The following ABTB2 variants were observed in gnomAD, a reference collection of about 807,000 sequenced individuals.
The protein encoded by ABTB2 is ankyrin repeat and BTB domain containing 2.
ABTB2 carries 56 observed loss-of-function variants against 104.1 expected under a neutral mutation model. The observed-to-expected ratio is 0.54, with a 90% confidence interval of 0.43 to 0.67. The LOEUF (loss-of-function observed/expected upper bound fraction) is 0.67. ABTB2 is among the 30% of genes least tolerant of loss of function. ABTB2 has a pLI of 0.00. For missense variants in ABTB2, 1,279 were observed against 1,407.7 expected, an observed-to-expected ratio of 0.91 and a Z score of 1.46; for synonymous variants, 606 against 608.2, an observed-to-expected ratio of 1.00 and a Z score of 0.05.
intron 1 of ABTB2, among the ~76,000 whole-genome samples, chr11:34,303,601 AC>A (rs1854734254): frequency 6.6e-6 from 1 of 150,616 alleles, no homozygotes; most frequent in Non-Finnish European, 1.5e-5. Flanking sequence ...AAATGCTTAT[AC>A]AGCTGTCCCC....
At chr11:34,168,047 G>T in intron 5 of ABTB2, 55 bp from the exon 6 acceptor site, 1 of 1,544,740 alleles carries the variant, frequency 6.5e-7, no homozygotes, top group Non-Finnish European at 8.9e-7. Flanking sequence ...ACAACACCAT[G>T]TGCCCACAGG....
intron 2 of ABTB2, among the ~76,000 whole-genome samples, chr11:34,198,454 C>CAA (rs71457323): frequency 7.0e-6 from 1 of 142,978 alleles, no homozygotes; most frequent in Admixed American, 6.8e-5. Flanking sequence ...ACAACAACAA[C>CAA]AAAAAAAAAC....
chr11:34,314,881 C>T (rs1564930655), intron 1 of ABTB2, among the ~76,000 whole-genome samples: 1 of 152,188 alleles, frequency 6.6e-6, no homozygotes, highest in Non-Finnish European at 1.5e-5. Context: ...GTCCATGAGG[C>T]TAACCCTGTT....
At chr11:34,160,401 T>TGACGGAGTC (rs1401726387) in intron 11 of ABTB2, 48 bp from the exon 12 acceptor site, 1 of 1,337,124 alleles carries the variant, frequency 7.5e-7, no homozygotes, top group Non-Finnish European at 1.1e-6. Flanking sequence ...TGTGGCTGGC[T>TGACGGAGTC]GTTCACAGAT....
At chr11:34,168,305 C>T (rs1852829680) in intron 5 of ABTB2, among the ~76,000 whole-genome samples, 1 of 152,204 alleles carries the variant, frequency 6.6e-6, no homozygotes, top group South Asian at 2.1e-4. Context: ...CTCTCTGTGC[C>T]TCAGTTTTTT....
chr11:34,216,517 G>A (rs551472460), intron 1 of ABTB2, among the ~76,000 whole-genome samples: 49 of 152,236 alleles, frequency 3.2e-4, no homozygotes, highest in African/African-American at 1.0e-3. Context: ...TTGGGAGGCC[G>A]AGCCAGGCAG....
In ABTB2 at chr11:34,164,770, A is replaced by C. The variant is rs1852775134; in HGVS notation, c.1904T>G (p.Leu635Arg). 2 of 1,568,850 alleles carry C rather than the reference A, an allele frequency of 1.3e-6. No individual in the cohort carries two copies. The highest frequency in any genetic ancestry group is 1.7e-6 in the Non-Finnish European group (2 of 1,165,700). ...CATGCCGTGGGCCTCCAGCATGCTG[A>C]GGAGGGGGTCGGCGCCTCGGCTCAG... is the stretch of plus-strand genomic sequence containing the variant. Reference protein sequence around the residue: ...LLLSRGADPLLSMLEAHGMGS... With the variant: ...LLLSRGADPLRSMLEAHGMGS... The change falls in exon 9 of 17, where the codon CTC becomes CGC. Residue 635 changes from leucine (L) to arginine (R), a missense_variant. Coordinates refer to ENST00000435224, the MANE Select transcript of ABTB2 (RefSeq NM_145804.3).
chr11:34,155,439 G>A (rs1297223020), intron 14 of ABTB2, among the ~76,000 whole-genome samples: 1 of 152,252 alleles, frequency 6.6e-6, no homozygotes, highest in Admixed American at 6.5e-5. Flanking sequence ...GACCGGGAAC[G>A]ATTTAGTTCT....
At chr11:34,198,907 C>T (rs1054285839) in intron 2 of ABTB2, among the ~76,000 whole-genome samples, 5 of 152,144 alleles carry the variant, frequency 3.3e-5, no homozygotes, top group East Asian at 1.9e-4. Flanking sequence ...CTTCAACAGG[C>T]GGGCACGGCT....
intron 1 of ABTB2, among the ~76,000 whole-genome samples, chr11:34,237,276 CTTTTTTTTTT>C (rs561473313): frequency 8.6e-6 from 1 of 116,236 alleles, no homozygotes; most frequent in African/African-American, 3.4e-5. Flanking sequence ...CCTGGATATT[CTTTTTTTTTT>C]TTTTTTTTTT....
At chr11:34,204,475 C>T (rs1438619432) in intron 2 of ABTB2, 69 bp downstream of exon 2, 1 of 1,486,214 alleles carries the variant, frequency 6.7e-7, no homozygotes, top group Admixed American at 2.3e-5. Context: ...CGAGCTCTCC[C>T]TGCCTTCCCC....
At chr11:34,281,522 T>C (rs539058422) in intron 1 of ABTB2, among the ~76,000 whole-genome samples, 2 of 152,346 alleles carry the variant, frequency 1.3e-5, no homozygotes, top group South Asian at 4.1e-4. Flanking sequence ...TCACCAACGC[T>C]GTGCCAACCA....
chr11:34,274,491 G>T (rs375901614), intron 1 of ABTB2, among the ~76,000 whole-genome samples: 100 of 151,658 alleles, frequency 6.6e-4, no homozygotes, highest in Non-Finnish European at 1.0e-3. Context: ...TCTTTCAGTT[G>T]TCTTATTTCT....
intron 4 of ABTB2, among the ~76,000 whole-genome samples, chr11:34,172,125 C>T (rs1359598206): frequency 6.6e-6 from 1 of 151,924 alleles, no homozygotes; most frequent in Admixed American, 6.6e-5. Flanking sequence ...GTAATCCCAG[C>T]ACTTTGGGAG....
chr11:34,349,118 G>A (rs539721063), intron 1 of ABTB2, among the ~76,000 whole-genome samples: 1 of 152,298 alleles, frequency 6.6e-6, no homozygotes, highest in South Asian at 2.1e-4. Flanking sequence ...TTTAAAACAA[G>A]CAGGAAGACC....
intron 1 of ABTB2, among the ~76,000 whole-genome samples, chr11:34,258,142 G>A (rs1854144994): frequency 6.6e-6 from 1 of 152,148 alleles, no homozygotes; most frequent in Non-Finnish European, 1.5e-5. Context: ...TGTCCCCATA[G>A]AAATCTCAGG....
intron 1 of ABTB2, among the ~76,000 whole-genome samples, chr11:34,269,243 A>G (rs925523938): frequency 1.3e-5 from 2 of 152,150 alleles, no homozygotes; most frequent in Non-Finnish European, 2.9e-5. Context: ...AAGTGCCTCT[A>G]AGCTGGAGCT....
At chr11:34,230,068 C>A (rs1853748343) in intron 1 of ABTB2, among the ~76,000 whole-genome samples, 1 of 152,174 alleles carries the variant, frequency 6.6e-6, no homozygotes, top group African/African-American at 2.4e-5. Flanking sequence ...AGGCAATGGG[C>A]AAGGGTTCTC....
intron 1 of ABTB2, among the ~76,000 whole-genome samples, chr11:34,215,362 C>T (rs1853538425): frequency 6.6e-6 from 1 of 152,192 alleles, no homozygotes; most frequent in South Asian, 2.1e-4. Context: ...ACAAGTCTCT[C>T]CTTGAGAGTT....
Sources: allele counts gnomAD v4.1 joint callset (sites outside exome capture counted in the v4.1 genomes callset), GRCh38; gene constraint gnomAD v4.1.1; transcripts MANE v1.5; gene names NCBI Gene and HGNC (gene_info 2026-07-23, HGNC 2026-07-21).